The following TRAK1 variants were observed in gnomAD, a reference collection of about 807,000 sequenced individuals.
TRAK1 encodes trafficking kinesin-binding protein 1.
TRAK1 carries 33 observed loss-of-function variants against 92.1 expected under a neutral mutation model. The observed-to-expected ratio is 0.36, with a 90% CI of 0.27 to 0.48. The LOEUF is 0.48. Ranked by LOEUF, TRAK1 falls within the 20% of genes least tolerant of loss-of-function variation. The pLI, the probability that TRAK1 is intolerant of heterozygous loss-of-function variation, is 0.99. For synonymous variants in TRAK1, 521 were observed against 517.3 expected, an observed-to-expected ratio of 1.01 and a Z score of -0.10; for missense variants, 1,123 against 1,257.9, an observed-to-expected ratio of 0.89 and a Z score of 1.62.
At chr3:42,174,660 T>TATAC (rs1553747394) in intron 2 of TRAK1, among the ~76,000 whole-genome samples, 3 of 148,890 alleles carry the variant, frequency 2.0e-5, no homozygotes, top group Non-Finnish European at 4.5e-5. Flanking sequence ...TATATATATA[T>TATAC]ACACACAAAA....
chr3:42,057,151 CTAAAT>C (rs932389999), intron 1 of TRAK1, among the ~76,000 whole-genome samples: 45 of 152,282 alleles, frequency 3.0e-4, no homozygotes, highest in African/African-American at 1.0e-3. Context: ...TAAAGGCACT[CTAAAT>C]TACTCTTTGC....
chr3:42,212,661 T>C, intron 14 of TRAK1: 1 of 647,732 alleles, frequency 1.5e-6, no homozygotes, highest in Non-Finnish European at 1.9e-6. Flanking sequence ...TGATATGTTT[T>C]ATGTTTTAAT....
intron 1 of TRAK1, among the ~76,000 whole-genome samples, chr3:42,101,706 C>A (rs1312156064): frequency 6.6e-6 from 1 of 152,208 alleles, no homozygotes; most frequent in African/African-American, 2.4e-5. Flanking sequence ...TTGGGAAACA[C>A]TTTTCTTTAT....
At chr3:42,157,022 G>A (rs1700610842) in intron 2 of TRAK1, among the ~76,000 whole-genome samples, 1 of 151,788 alleles carries the variant, frequency 6.6e-6, no homozygotes, top group South Asian at 2.1e-4. Flanking sequence ...GCGTGGTGGC[G>A]GGCGCCTGTA....
intron 1 of TRAK1, among the ~76,000 whole-genome samples, chr3:42,117,331 G>T (rs1709289985): frequency 6.7e-6 from 1 of 149,444 alleles, no homozygotes; most frequent in Non-Finnish European, 1.5e-5. Context: ...TTGAAACTGT[G>T]CTCCTGGCCG....
intron 1 of TRAK1, among the ~76,000 whole-genome samples, chr3:42,043,495 TC>T (rs1393442944): frequency 6.6e-6 from 1 of 151,624 alleles, no homozygotes; most frequent in Non-Finnish European, 1.5e-5. Flanking sequence ...CCTCATCCCC[TC>T]CACCCCTACC....
Position 42,160,319 on chromosome 3 carries a change from T to G in TRAK1, c.287-16495T>G, listed in dbSNP as rs750658959. The G allele has an allele frequency of 9.9e-6, 16 of 1,609,358 alleles. 1 individual carries two copies. The Admixed American group carries it at 2.3e-4, about 24-fold the overall frequency. Reference sequence around the variant, plus strand: ...AGGGGGTCGGGGGCACCCCCAAGGATGGTCCCTTAGGGTGATGTTTTGGCT... The same window carrying G: ...AGGGGGTCGGGGGCACCCCCAAGGAGGGTCCCTTAGGGTGATGTTTTGGCT... On this transcript the variant is annotated intron_variant, in intron 2 of 15. Transcript: ENST00000327628.
At chr3:42,179,686 A>C (rs566754773) in intron 3 of TRAK1, among the ~76,000 whole-genome samples, 14 of 152,272 alleles carry the variant, frequency 9.2e-5, no homozygotes, top group African/African-American at 3.4e-4. Flanking sequence ...CTGAGACTCA[A>C]GTTACAGTCT....
In TRAK1 at chr3:42,200,865, T is replaced by G. The variant is rs763149071; in HGVS notation, c.1238T>G (p.Val413Gly). ...FETVRNINQV[V>G]KQRSLTPSPM... is the part of the protein sequence containing the mutation. The stretch of plus-strand genomic sequence containing the variant: ...ACAGTAAGAAACATCAACCAGGTTG[T>G]CAAGCAGAGATCTCTGACCCCTTCT... Residue 413 changes from valine (V) to glycine (G), a missense_variant, in exon 12 of 16, where the codon GTC becomes GGC. Coordinates refer to ENST00000327628, the MANE Select transcript of TRAK1 (RefSeq NM_001042646.3). 8 of 1,613,968 alleles carry G rather than the reference T, an allele frequency of 5.0e-6. No individual in the cohort carries two copies. The highest frequency in any genetic ancestry group is 6.8e-6 in the Non-Finnish European group (8 of 1,180,012).
At chr3:42,098,525 G>C (rs1282948817) in intron 1 of TRAK1, among the ~76,000 whole-genome samples, 1 of 152,222 alleles carries the variant, frequency 6.6e-6, no homozygotes, top group Non-Finnish European at 1.5e-5. Context: ...GAAGGCTGAA[G>C]ACCGTGAGTT....
chr3:42,089,705 A>C, upstream of TRAK1, among the ~76,000 whole-genome samples: 3 of 122,938 alleles, frequency 2.4e-5, no homozygotes, highest in Admixed American at 1.0e-4. Context: ...GATCTGCCTC[A>C]CCTTTCCCCA....
intron 1 of TRAK1, among the ~76,000 whole-genome samples, chr3:42,060,707 A>G (rs577395456): frequency 6.8e-6 from 1 of 147,056 alleles, no homozygotes; most frequent in East Asian, 2.0e-4. Flanking sequence ...TACGCACTGC[A>G]ACCTCCGCCT....
Position 42,079,600 on chromosome 3 carries a change from C to T in TRAK1, c.-518-7504C>T, listed in dbSNP as rs531970908. On this transcript the variant is annotated intron_variant, in intron 1 of 16. Transcript: ENST00000487159. ...GTTCAAGCAATTCTCCTGCCTCAAC[C>T]TCCCGAGTAGCTGGGACTACAGGCG... Among the ~76,000 whole-genome samples, 21 of 151,568 alleles carry T rather than the reference C, an allele frequency of 1.4e-4. No homozygotes were observed. In the East Asian group the frequency reaches 4.1e-3, roughly 29 times the overall value.
rs1705293696 is a variant in TRAK1, at chr3:42,189,018, T to G, written c.584T>G (p.Leu195Trp). The G allele has an allele frequency of 6.2e-7, 1 of 1,611,844 alleles. No homozygotes were observed. Among genetic ancestry groups the G allele is most frequent in the Non-Finnish European group, 8.5e-7 (1 of 1,177,966 alleles). Residue 195 changes from leucine to tryptophan, a missense_variant and splice_region_variant, in exon 6 of 16, where the codon TTG becomes TGG. Physicochemically the swap from Leu to Trp is moderately conservative, Grantham distance 61. Around this residue, in one of 3 missense-constraint regions of TRAK1, gnomAD observed 686 missense variants for 747.6 expected, o/e 0.92. Transcript: ENST00000327628. ...TGTGAGCGTACTTTCTCCCCCAGGT[T>G]GAAGAGGAATGAGTCGTCCTCCTCA... Reference protein sequence around the residue: ...SEPESVCSTPLKRNESSSSVQ... With the variant: ...SEPESVCSTPWKRNESSSSVQ...
chr3:42,160,256 G>A (rs1701097936), intron 2 of TRAK1: 12 of 1,542,832 alleles, frequency 7.8e-6, no homozygotes, highest in Non-Finnish European at 1.0e-5. Flanking sequence ...GGCGCAGTGT[G>A]TGCCCTGGGG....
intron 2 of TRAK1, among the ~76,000 whole-genome samples, chr3:42,132,831 C>T (rs564233918): frequency 1.8e-4 from 27 of 152,272 alleles, no homozygotes; most frequent in Admixed American, 7.2e-4. Flanking sequence ...TCCCTTCCTC[C>T]CTCAGCCTCA....
In TRAK1 at chr3:42,209,763, C is replaced by T. The variant is rs201818830; in HGVS notation, c.1745-4C>T. Reference sequence around the variant, plus strand: ...CCCTTCTTCCCTTCCCTTTCTCCTGCAAGGTTCCGCCACACTTCACCACTG... The same window carrying T: ...CCCTTCTTCCCTTCCCTTTCTCCTGTAAGGTTCCGCCACACTTCACCACTG... On this transcript the variant is annotated splice_region_variant and splice_polypyrimidine_tract_variant and intron_variant, in intron 13 of 15. Transcript: ENST00000327628. The T allele has an allele frequency of 6.0e-4, 971 of 1,613,330 alleles. No individual in the cohort carries two copies. The highest frequency in any genetic ancestry group is 7.6e-4 in the Non-Finnish European group (895 of 1,179,596).
At chr3:42,138,796 C>T (rs975190479) in intron 2 of TRAK1, among the ~76,000 whole-genome samples, 1 of 150,150 alleles carries the variant, frequency 6.7e-6, no homozygotes, top group East Asian at 2.0e-4. Flanking sequence ...ATAAATAGCA[C>T]ACAGTGCTGA....
At chr3:42,128,580 A>C (rs1456936538) in intron 2 of TRAK1, among the ~76,000 whole-genome samples, 1 of 152,234 alleles carries the variant, frequency 6.6e-6, no homozygotes, top group Admixed American at 6.5e-5. Context: ...CCATGCACTT[A>C]AAAAGGAGCA....
Sources: allele counts gnomAD v4.1 joint callset (sites outside exome capture counted in the v4.1 genomes callset), GRCh38; gene constraint gnomAD v4.1.1; regional missense constraint gnomAD v4.1.1; transcripts MANE v1.5; gene names NCBI Gene and HGNC (gene_info 2026-07-23, HGNC 2026-07-21).